Variants in WWTR1 observed in about 807,000 individuals in gnomAD.
WWTR1 encodes WW domain containing transcription regulator 1.
WWTR1 carries 13 observed loss-of-function variants against 40.1 expected under a neutral mutation model. The ratio of observed to expected loss-of-function variants is 0.32; its 90% CI spans 0.21 to 0.52. The LOEUF (loss-of-function observed/expected upper bound fraction) is 0.52, where lower values mean the gene tolerates loss of function less well. Among genes scored for constraint, WWTR1 ranks in the 20% least tolerant of loss-of-function variants. The pLI is 0.97. For synonymous variants in WWTR1, 230 were observed against 210.1 expected, an observed-to-expected ratio of 1.09 and a Z score of -0.82; for missense variants, 436 against 523.1, an observed-to-expected ratio of 0.83 and a Z score of 1.63.
At chr3:149,650,631 T>C (rs183198490) in intron 2 of WWTR1, among the ~76,000 whole-genome samples, 2 of 144,980 alleles carry the variant, frequency 1.4e-5, no homozygotes, top group African/African-American at 5.0e-5. Context: ...TTCCTGCTCA[T>C]CTCCCCCTTC....
chr3:149,607,871 A>G (rs1309645173), intron 2 of WWTR1, among the ~76,000 whole-genome samples: 1 of 152,232 alleles, frequency 6.6e-6, no homozygotes, highest in Non-Finnish European at 1.5e-5. Context: ...CTGAAACAAA[A>G]AAAGAAAAAT....
intron 6 of WWTR1, among the ~76,000 whole-genome samples, chr3:149,521,879 T>C (rs1478193476): frequency 6.6e-6 from 1 of 152,204 alleles, no homozygotes; most frequent in Non-Finnish European, 1.5e-5. Flanking sequence ...CATCTAGAAA[T>C]TGGGATCATA....
At chr3:149,527,998 T>A in intron 4 of WWTR1, 29 bp from the exon 5 acceptor site, 13 of 1,602,446 alleles carry the variant, frequency 8.1e-6, no homozygotes, top group Non-Finnish European at 1.1e-5. Context: ...GCAAGAGTCA[T>A]GCACTCATTG....
chr3:149,654,377 A>T (rs1044726314), intron 2 of WWTR1, among the ~76,000 whole-genome samples: 1 of 152,244 alleles, frequency 6.6e-6, no homozygotes, highest in Non-Finnish European at 1.5e-5. Flanking sequence ...CTTAAAGACA[A>T]TAGTCACTGA....
At position 149,717,126 on chromosome 3, in the gene WWTR1, G is replaced by A. The variant is rs186564705; in HGVS notation, n.584+316C>T. ...AGGCTGCAGCGAGCTGAGATTGTGC[G>A]ACTCCCCAGTGGGTGACAGACTGGC... On this transcript the variant is annotated intron_variant and non_coding_transcript_variant, in intron 5 of 6. Coordinates refer to the WWTR1 transcript ENST00000474080. 1.4e-3 allele frequency among the ~76,000 whole-genome samples: 211 copies of A among 152,220 alleles called. 3 individuals carry two copies. Among genetic ancestry groups the A allele is most frequent in the African/African-American group, 4.7e-3 (197 of 41,536 alleles).
At chr3:149,697,017 T>A (rs1226922021) in intron 1 of WWTR1, among the ~76,000 whole-genome samples, 1 of 152,226 alleles carries the variant, frequency 6.6e-6, no homozygotes, top group Non-Finnish European at 1.5e-5. Flanking sequence ...TCACTTTTTC[T>A]AACAGCTTTC....
chr3:149,624,675 A>T (rs1740463747), intron 2 of WWTR1, among the ~76,000 whole-genome samples: 2 of 152,092 alleles, frequency 1.3e-5, no homozygotes, highest in African/African-American at 4.8e-5. Context: ...GTTTCTTAAT[A>T]AACTTAGAAA....
intron 3 of WWTR1, among the ~76,000 whole-genome samples, chr3:149,550,350 T>C (rs1384628651): frequency 2.0e-5 from 3 of 152,166 alleles, no homozygotes; most frequent in Non-Finnish European, 4.4e-5. Flanking sequence ...GTTAAAATAA[T>C]TTATTTTATT....
chr3:149,592,706 C>T (rs940023811), intron 2 of WWTR1, among the ~76,000 whole-genome samples: 4 of 152,098 alleles, frequency 2.6e-5, no homozygotes, highest in African/African-American at 9.7e-5. Context: ...ACTGTTTATA[C>T]CCAGAAAGCT....
chr3:149,700,838 G>A (rs1366895207), intron 1 of WWTR1, among the ~76,000 whole-genome samples: 2 of 152,154 alleles, frequency 1.3e-5, no homozygotes, highest in African/African-American at 4.8e-5. Context: ...AGAAAGCCGT[G>A]CCCAATACAC....
rs115367695 is a variant in WWTR1 at position 149,692,078 on chromosome 3, T to C, written c.-108+11046A>G. Reference sequence around the variant, plus strand: ...ATGCTACTCACACTATTCCAAAAAATAGAGGAGGAGTGAATTCTTCCAAAC... The same window carrying C: ...ATGCTACTCACACTATTCCAAAAAACAGAGGAGGAGTGAATTCTTCCAAAC... On this transcript the variant is annotated intron_variant, in intron 1 of 7. Coordinates refer to the WWTR1 transcript ENST00000465804. 4.6e-3 allele frequency among the ~76,000 whole-genome samples: 681 copies of C among 148,914 alleles called. 7 individuals carry two copies. Among genetic ancestry groups the C allele is most frequent in the African/African-American group, 0.016 (652 of 40,360 alleles).
intron 4 of WWTR1, among the ~76,000 whole-genome samples, chr3:149,530,025 T>C (rs992666087): frequency 6.6e-6 from 1 of 152,134 alleles, no homozygotes; most frequent in Non-Finnish European, 1.5e-5. Flanking sequence ...TTCCTTTGTA[T>C]TGAAAAAACT....
At chr3:149,689,514 G>A (rs1167091580) in intron 1 of WWTR1, among the ~76,000 whole-genome samples, 3 of 148,662 alleles carry the variant, frequency 2.0e-5, no homozygotes, top group African/African-American at 7.5e-5. Flanking sequence ...AGCAGCAAAA[G>A]AAAAGAAACA....
intron 2 of WWTR1, among the ~76,000 whole-genome samples, chr3:149,626,425 T>C (rs1451085934): frequency 6.6e-6 from 1 of 151,936 alleles, no homozygotes; most frequent in African/African-American, 2.4e-5. Context: ...TCAGTCAATA[T>C]ATAAAACCAA....
intron 2 of WWTR1, among the ~76,000 whole-genome samples, chr3:149,580,903 C>T (rs1330283309): frequency 2.6e-5 from 4 of 152,192 alleles, no homozygotes; most frequent in Non-Finnish European, 5.9e-5. Flanking sequence ...TGAGCCACCG[C>T]GCCTGGCGAC....
chr3:149,672,617 A>G (rs1441069734), intron 1 of WWTR1, among the ~76,000 whole-genome samples: 1 of 152,056 alleles, frequency 6.6e-6, no homozygotes, highest in Non-Finnish European at 1.5e-5. Context: ...TTTATTAGAG[A>G]TATAGTTCTT....
chr3:149,701,684 G>A (rs959473287), intron 1 of WWTR1: 5 of 175,822 alleles, frequency 2.8e-5, no homozygotes, highest in African/African-American at 9.5e-5. Context: ...GTGGTTCATG[G>A]GGTTTTTTGG....
At chr3:149,538,260 T>A (rs13060969) in intron 4 of WWTR1, among the ~76,000 whole-genome samples, 1 of 151,982 alleles carries the variant, frequency 6.6e-6, no homozygotes, top group South Asian at 2.1e-4. Flanking sequence ...ACTCAACAAA[T>A]CAAATTTTAA....
intron 4 of WWTR1, among the ~76,000 whole-genome samples, chr3:149,533,288 C>T (rs774281073): frequency 6.6e-6 from 1 of 152,188 alleles, no homozygotes; most frequent in Non-Finnish European, 1.5e-5. Flanking sequence ...CAGGTCCCTA[C>T]CCAACACTTT....
Sources: gnomAD v4.1 joint callset for allele counts (sites outside exome capture counted in the v4.1 genomes callset) on GRCh38, gnomAD v4.1.1 for gene constraint, MANE v1.5 for transcripts, NCBI Gene and HGNC (gene_info 2026-07-23, HGNC 2026-07-21) for gene names.